Variants in CCNY observed in about 807,000 individuals in gnomAD.
CCNY encodes cyclin Y, also known as cyclin-Y.
A neutral mutation model predicts 42.8 loss-of-function variants in CCNY; 19 were observed. The observed-to-expected ratio is 0.44, with a 90% confidence interval of 0.31 to 0.65. The LOEUF is 0.65. CCNY is among the 30% of genes least tolerant of loss of function. The pLI, the probability that CCNY is intolerant of heterozygous loss-of-function variation, is 0.07. For synonymous variants in CCNY, 165 were observed against 162.7 expected, an observed-to-expected ratio of 1.01 and a Z score of -0.11; for missense variants, 370 against 437.3, an observed-to-expected ratio of 0.85 and a Z score of 1.37.
At chr10:35,551,729 A>T (rs1238630616) in intron 7 of CCNY, among the ~76,000 whole-genome samples, 5 of 151,896 alleles carry the variant, frequency 3.3e-5, no homozygotes, top group African/African-American at 9.7e-5. Flanking sequence ...TTCAACCTAA[A>T]CTCTGTCAGT....
intron 1 of CCNY, among the ~76,000 whole-genome samples, chr10:35,449,213 C>T (rs1163169757): frequency 7.1e-6 from 1 of 141,382 alleles, no homozygotes; most frequent in Non-Finnish European, 1.5e-5. Context: ...CACCACGCAG[C>T]GAGGAGGGAA....
chr10:35,321,186 G>C (rs1835817689), intron 3 of CCNY, among the ~76,000 whole-genome samples: 1 of 149,596 alleles, frequency 6.7e-6, no homozygotes, highest in African/African-American at 2.5e-5. Context: ...ACATGGACTA[G>C]TTAGGGATAA....
chr10:35,453,977 C>T (rs1838975561), intron 1 of CCNY, among the ~76,000 whole-genome samples: 1 of 152,160 alleles, frequency 6.6e-6, no homozygotes, highest in Admixed American at 6.5e-5. Flanking sequence ...AAAGATGAGT[C>T]ATGATCCTCT....
At chr10:35,439,860 G>A (rs964113557) in intron 1 of CCNY, among the ~76,000 whole-genome samples, 7 of 152,158 alleles carry the variant, frequency 4.6e-5, no homozygotes, top group Admixed American at 2.6e-4. Context: ...TTACTTAGCC[G>A]CTGTTGACAC....
intron 1 of CCNY, among the ~76,000 whole-genome samples, chr10:35,337,419 T>C (rs1836068239): frequency 1.3e-5 from 2 of 152,036 alleles, no homozygotes; most frequent in African/African-American, 4.8e-5. Context: ...GCGGAAACTT[T>C]GCAGGCCCGC....
rs1471601830 is a variant in CCNY, at chr10:35,435,055, G to T, written c.155-48349G>T. ...AGGAAACCCAAAGCCCCCCTGCCTT[G>T]CAGAGGCTGCACCTGGATTGGGGCA... On this transcript the variant is annotated intron_variant, in intron 1 of 9. Transcript: ENST00000374704. Among the ~76,000 whole-genome samples the T allele has an allele frequency of 2.6e-5, 4 of 152,332 alleles. No homozygotes were observed. The East Asian group carries it at 7.7e-4, about 29-fold the overall frequency.
In CCNY at chr10:35,336,954, T is replaced by G; in HGVS notation, c.-100T>G. ...TCCCGTGGCGGCGAGCGGGCGGGCC[T>G]CCCCACACGCCCCCGCCGCCCGCGC... On this transcript the variant is annotated 5_prime_UTR_variant, in exon 1 of 10. Coordinates refer to ENST00000374704, the MANE Select transcript of CCNY (RefSeq NM_145012.6). 1 of 954,718 alleles carries G rather than the reference T, an allele frequency of 1.0e-6. No homozygotes were observed. Among genetic ancestry groups the G allele is most frequent in the Non-Finnish European group, 1.3e-6 (1 of 753,140 alleles). 59.1% of individuals were successfully genotyped at this position (954,718 alleles called of 1,614,324 possible).
chr10:35,414,102 C>G (rs1837972743), intron 1 of CCNY, among the ~76,000 whole-genome samples: 1 of 152,146 alleles, frequency 6.6e-6, no homozygotes, highest in Non-Finnish European at 1.5e-5. Flanking sequence ...TGCTGTGTAA[C>G]AAGTTACCAG....
At chr10:35,381,295 C>T (rs538084769) in intron 1 of CCNY, among the ~76,000 whole-genome samples, 108 of 152,182 alleles carry the variant, frequency 7.1e-4, no homozygotes, top group Non-Finnish European at 4.6e-4. Context: ...CGCCATGGCT[C>T]ATGCCTGTAA....
chr10:35,401,647 T>G (rs1193421346), intron 1 of CCNY, among the ~76,000 whole-genome samples: 1 of 152,070 alleles, frequency 6.6e-6, no homozygotes, highest in African/African-American at 2.4e-5. Flanking sequence ...ACAGGCTTTG[T>G]GTGAGCAACA....
chr10:35,431,401 CCTCTCTCTCTCTCTCTCTCTCTCTCT>C (rs1177072692), intron 1 of CCNY, among the ~76,000 whole-genome samples: 3 of 3,060 alleles, frequency 9.8e-4, no homozygotes, highest in South Asian at 0.026. Context: ...CCCCTCCCCT[CCTCTCTCTCTCTCTCTCTCTCTCTCT>C]CTCTCTCTCT....
At chr10:35,295,356 C>T (rs1046370354) in intron 3 of CCNY, among the ~76,000 whole-genome samples, 8 of 151,760 alleles carry the variant, frequency 5.3e-5, no homozygotes, top group Admixed American at 4.6e-4. Context: ...CTCAGCCTCC[C>T]GAGTAGCTGG....
chr10:35,460,473 A>G (rs1839134388), intron 1 of CCNY, among the ~76,000 whole-genome samples: 1 of 145,690 alleles, frequency 6.9e-6, no homozygotes, highest in South Asian at 2.2e-4. Context: ...CACACAGGAT[A>G]ATTATTAGAA....
Position 35,530,294 on chromosome 10 carries a change from G to A in CCNY, c.579+51G>A, listed in dbSNP as rs2135423491. 6.2e-7 allele frequency: 1 copy of A among 1,610,420 alleles called. No individual in the cohort carries two copies. The highest frequency in any genetic ancestry group is 1.1e-5 in the South Asian group (1 of 90,840). On this transcript the variant is annotated intron_variant, in intron 7 of 9. Transcript: ENST00000374704. This position sits in a 1 kb window ranked among gnomAD's most constrained non-coding sequence, Gnocchi z 4.3. ...CCATCCCCAGCCGAGGTGGTCCAGG[G>A]CCCGTTCCTGTTACTCAGCGGAGTG...
At chr10:35,384,000 A>T (rs1487238859) in intron 1 of CCNY, among the ~76,000 whole-genome samples, 1 of 152,078 alleles carries the variant, frequency 6.6e-6, no homozygotes, top group East Asian at 1.9e-4. Flanking sequence ...CTTAACTATG[A>T]AATGTTCTGT....
intron 1 of CCNY, among the ~76,000 whole-genome samples, chr10:35,427,621 A>G (rs1207567087): frequency 6.6e-6 from 1 of 152,244 alleles, no homozygotes; most frequent in African/African-American, 2.4e-5. Context: ...ATTAAGATAC[A>G]CACATACATA....
At chr10:35,472,784 C>T (rs1839416488) in intron 1 of CCNY, among the ~76,000 whole-genome samples, 1 of 152,170 alleles carries the variant, frequency 6.6e-6, no homozygotes, top group East Asian at 1.9e-4. Context: ...TGTTTTGTCT[C>T]ACCATTAATC....
intron 1 of CCNY, among the ~76,000 whole-genome samples, chr10:35,364,590 T>C (rs1836770260): frequency 1.3e-5 from 2 of 152,250 alleles, no homozygotes; most frequent in African/African-American, 2.4e-5. Context: ...GACATACTTA[T>C]TTATAAAGAG....
At chr10:35,374,570 A>T (rs1837009147) in intron 1 of CCNY, among the ~76,000 whole-genome samples, 1 of 152,128 alleles carries the variant, frequency 6.6e-6, no homozygotes, top group African/African-American at 2.4e-5. Flanking sequence ...TTGTATGGAG[A>T]TGTTTTGCAG....
Sources: allele counts gnomAD v4.1 joint callset (sites outside exome capture counted in the v4.1 genomes callset), GRCh38; gene constraint gnomAD v4.1.1; non-coding constraint Gnocchi (gnomAD v3.1); transcripts MANE v1.5; gene names NCBI Gene and HGNC (gene_info 2026-07-23, HGNC 2026-07-21).